The following DDX50 variants were observed in gnomAD, a reference collection of about 807,000 sequenced individuals.
The protein encoded by DDX50 is ATP-dependent RNA helicase DDX50.
DDX50 carries 56 observed loss-of-function variants against 94.8 expected under a neutral mutation model. The ratio of observed to expected loss-of-function variants is 0.59; its 90% confidence interval spans 0.48 to 0.74. DDX50 has a LOEUF of 0.74. Ranked by LOEUF, DDX50 falls within the 30% of genes least tolerant of loss-of-function variation. The pLI is 0.00. For synonymous variants in DDX50, 264 were observed against 295.4 expected, an observed-to-expected ratio of 0.89 and a Z score of 1.09; for missense variants, 713 against 881.2, an observed-to-expected ratio of 0.81 and a Z score of 2.42.
intron 2 of DDX50, among the ~76,000 whole-genome samples, chr10:68,907,771 CAT>C (rs935411993): frequency 2.6e-5 from 4 of 151,116 alleles, no homozygotes; most frequent in African/African-American, 4.9e-5. Flanking sequence ...GCAGGAAGCA[CAT>C]GTGTTTGTTG....
Position 68,902,606 on chromosome 10 carries a change from T to A in DDX50, c.87+1135T>A, listed in dbSNP as rs114441522. ...TCCCAGACTGAAACTCTGTGCCCAT[T>A]AAACACTCACTTCTCATTCCTCTCT... On this transcript the variant is annotated intron_variant, in intron 1 of 14. Coordinates refer to ENST00000373585, the MANE Select transcript of DDX50 (RefSeq NM_024045.2). Among the ~76,000 whole-genome samples, 492 of 152,330 alleles carry A rather than the reference T, an allele frequency of 3.2e-3. 7 individuals carry two copies. The highest frequency in any genetic ancestry group is 0.011 in the African/African-American group (461 of 41,564).
At chr10:68,908,169 G>A (rs576556714) in intron 2 of DDX50, among the ~76,000 whole-genome samples, 1 of 152,110 alleles carries the variant, frequency 6.6e-6, no homozygotes, top group South Asian at 2.1e-4. Flanking sequence ...GAAAAAAATA[G>A]GCTGGGCGCA....
At chr10:68,912,206 T>C (rs1396117105) in intron 4 of DDX50, among the ~76,000 whole-genome samples, 1 of 151,968 alleles carries the variant, frequency 6.6e-6, no homozygotes, top group East Asian at 1.9e-4. Flanking sequence ...TTTTTTTGTT[T>C]TGTTTTGTTT....
At chr10:68,907,531 G>T (rs965678477) in intron 2 of DDX50, among the ~76,000 whole-genome samples, 3 of 151,778 alleles carry the variant, frequency 2.0e-5, no homozygotes. Flanking sequence ...GATCAGGCTG[G>T]TCTTGAACTC....
chr10:68,904,709 A>G (rs1841390166), intron 1 of DDX50, among the ~76,000 whole-genome samples: 1 of 152,242 alleles, frequency 6.6e-6, no homozygotes, highest in Admixed American at 6.5e-5. Flanking sequence ...CCTTGCTTCA[A>G]CTTCTCTCTG....
chr10:68,910,614 G>A (rs1025079877), intron 3 of DDX50, among the ~76,000 whole-genome samples: 2 of 152,148 alleles, frequency 1.3e-5, no homozygotes, highest in Non-Finnish European at 2.9e-5. Context: ...TGTTGGTCAG[G>A]CTGGTCTCAA....
At chr10:68,942,523 G>A (rs560801568) in intron 13 of DDX50, among the ~76,000 whole-genome samples, 3 of 152,250 alleles carry the variant, frequency 2.0e-5, no homozygotes, top group Middle Eastern at 3.4e-3. Context: ...CTATACTTGA[G>A]TATTAAATTA....
intron 8 of DDX50, among the ~76,000 whole-genome samples, chr10:68,929,822 C>T (rs2132049057): frequency 6.6e-6 from 1 of 150,638 alleles, no homozygotes; most frequent in African/African-American, 2.4e-5. Flanking sequence ...CGTCCTCTGC[C>T]CCCGGGTTCA....
At chr10:68,942,481 A>G (rs1371105104) in intron 13 of DDX50, among the ~76,000 whole-genome samples, 1 of 152,226 alleles carries the variant, frequency 6.6e-6, no homozygotes, top group African/African-American at 2.4e-5. Context: ...GGGGAGGGAA[A>G]AAATAGCAAG....
chr10:68,941,868 G>A (rs920870955), intron 13 of DDX50, among the ~76,000 whole-genome samples: 2 of 152,200 alleles, frequency 1.3e-5, no homozygotes, highest in South Asian at 4.1e-4. Flanking sequence ...TCGCACTCCT[G>A]ACCTCAGGTG....
intron 8 of DDX50, among the ~76,000 whole-genome samples, chr10:68,925,095 G>GTTTTTTTTTTTTTT (rs1239190321): frequency 5.2e-4 from 15 of 28,576 alleles, no homozygotes; most frequent in African/African-American, 1.7e-3. Context: ...CCTGCTCATG[G>GTTTTTTTTTTTTTT]TTTTTTTTTT....
intron 1 of DDX50, 104 bp downstream of exon 1, chr10:68,901,575 T>G: frequency 8.3e-7 from 1 of 1,209,790 alleles, no homozygotes; most frequent in Non-Finnish European, 1.1e-6. Flanking sequence ...GGCCGGAGCA[T>G]CCGAGGGCCT....
intron 11 of DDX50, among the ~76,000 whole-genome samples, chr10:68,936,707 C>T (rs567760148): frequency 6.7e-4 from 99 of 148,774 alleles, no homozygotes; most frequent in African/African-American, 2.3e-3. Context: ...GGAGTGGTGG[C>T]GCGTGCACCT....
At chr10:68,908,451 C>CAAAAAAA (rs71223162) in intron 2 of DDX50, among the ~76,000 whole-genome samples, 6 of 43,656 alleles carry the variant, frequency 1.4e-4, no homozygotes, top group East Asian at 8.0e-4. Flanking sequence ...AACTCCATCT[C>CAAAAAAA]AAAAAAAAAA....
intron 13 of DDX50, among the ~76,000 whole-genome samples, chr10:68,942,841 G>A (rs1328204747): frequency 6.6e-6 from 1 of 151,940 alleles, no homozygotes; most frequent in Admixed American, 6.6e-5. Flanking sequence ...GGTCTTGATC[G>A]AATTCCTGGA....
chr10:68,936,828 A>T, intron 11 of DDX50, 108 bp from the exon 12 acceptor site: 1 of 1,137,762 alleles, frequency 8.8e-7, no homozygotes, highest in East Asian at 2.5e-5. Context: ...GTGACAGAGC[A>T]AGGCTCTATC....
At chr10:68,938,371 G>T (rs1487633311) in intron 12 of DDX50, among the ~76,000 whole-genome samples, 5 of 152,340 alleles carry the variant, frequency 3.3e-5, no homozygotes, top group Non-Finnish European at 5.9e-5. Context: ...AGAACCATTG[G>T]TGCAGGTAGC....
chr10:68,905,620 T>G (rs912160204), intron 1 of DDX50, among the ~76,000 whole-genome samples: 1 of 152,164 alleles, frequency 6.6e-6, no homozygotes, highest in Non-Finnish European at 1.5e-5. Context: ...GTCTATAAAA[T>G]GGCAAAGGTG....
intron 13 of DDX50, among the ~76,000 whole-genome samples, chr10:68,941,622 C>T (rs1463041676): frequency 6.7e-6 from 1 of 149,528 alleles, no homozygotes; most frequent in East Asian, 2.0e-4. Flanking sequence ...TGCACCTGGC[C>T]TTTTTGTATT....
Sources: allele counts gnomAD v4.1 joint callset (sites outside exome capture counted in the v4.1 genomes callset), GRCh38; gene constraint gnomAD v4.1.1; transcripts MANE v1.5; gene names NCBI Gene and HGNC (gene_info 2026-07-23, HGNC 2026-07-21).